Variants in TSNARE1 observed in about 807,000 individuals in gnomAD.
TSNARE1 encodes the protein t-SNARE domain-containing protein 1.
TSNARE1 carries 49 observed loss-of-function variants against 62.0 expected under a neutral mutation model. That is an observed-to-expected ratio of 0.79 (90% CI 0.63 to 1.00). The LOEUF (loss-of-function observed/expected upper bound fraction) is 1.00, where lower values mean the gene tolerates loss of function less well. TSNARE1 is among the 50% of genes least tolerant of loss of function. TSNARE1 has a pLI of 0.00. For missense variants in TSNARE1, 755 were observed against 700.1 expected, an observed-to-expected ratio of 1.08 and a Z score of -0.88; for synonymous variants, 328 against 294.4, an observed-to-expected ratio of 1.11 and a Z score of -1.17.
At chr8:142,331,309 C>G (rs2132021503) in intron 5 of TSNARE1, among the ~76,000 whole-genome samples, 1 of 152,374 alleles carries the variant, frequency 6.6e-6, no homozygotes, top group East Asian at 1.9e-4. Context: ...TGCCCCTCCC[C>G]TGGCCGTGGC....
chr8:142,224,170 C>T (rs942995965), intron 13 of TSNARE1, among the ~76,000 whole-genome samples: 1 of 152,192 alleles, frequency 6.6e-6, no homozygotes, highest in African/African-American at 2.4e-5. Context: ...CCTGGAGAGG[C>T]TTCTGGAAAC....
intron 12 of TSNARE1, among the ~76,000 whole-genome samples, chr8:142,251,076 G>A (rs1414596159): frequency 6.6e-6 from 1 of 152,204 alleles, no homozygotes; most frequent in Non-Finnish European, 1.5e-5. Flanking sequence ...GGTTTGCTGG[G>A]GATCATGTGC....
chr8:142,324,124 A>G lies in TSNARE1; in HGVS notation c.894-5490T>C, dbSNP rs374616574. On this transcript the variant is annotated intron_variant, in intron 6 of 13. Coordinates refer to ENST00000524325, the MANE Select transcript of TSNARE1 (RefSeq NM_145003.5). ...TGCAATGCCCGGAACCATAAGACCCATTTGTCACCTCAAGAGAAGCTGGCC... is the reference window on the plus strand; with the variant it reads ...TGCAATGCCCGGAACCATAAGACCCGTTTGTCACCTCAAGAGAAGCTGGCC... Among the ~76,000 whole-genome samples the G allele has an allele frequency of 6.6e-5, 10 of 152,214 alleles. No individual in the cohort carries two copies. In the East Asian group the frequency reaches 1.3e-3, roughly 21 times the overall value.
intron 1 of TSNARE1, among the ~76,000 whole-genome samples, chr8:142,372,496 G>A (rs1392527405): frequency 6.6e-6 from 1 of 152,180 alleles, no homozygotes; most frequent in Non-Finnish European, 1.5e-5. Context: ...AGGATGAGAA[G>A]AGAAACTGGG....
chr8:142,247,258 G>A (rs1817924595), intron 12 of TSNARE1, among the ~76,000 whole-genome samples: 1 of 152,198 alleles, frequency 6.6e-6, no homozygotes, highest in Admixed American at 6.5e-5. Context: ...GCCCAGCAAA[G>A]CTCTGGGGGC....
At chr8:142,273,590 G>C in intron 12 of TSNARE1, 14 of 985,390 alleles carry the variant, frequency 1.4e-5, no homozygotes, top group Non-Finnish European at 1.7e-5. Flanking sequence ...TTCACCAGCT[G>C]TCAACAGGGA....
chr8:142,369,624 A>G (rs909024884), intron 1 of TSNARE1, among the ~76,000 whole-genome samples: 6 of 152,202 alleles, frequency 3.9e-5, no homozygotes, highest in African/African-American at 1.4e-4. Flanking sequence ...GGGGAAGCTC[A>G]GCAGAGAAAT....
chr8:142,315,039 G>C lies in TSNARE1; in HGVS notation c.1038C>G (p.Leu346=), dbSNP rs1489348375. ...RPQLDRLKTQ[L]SDAIQCYGVV... ...CTCCATAGCACTGAATGGCATCTGA[G>C]AGCTGGGTTTTCAGCCGGTCCAGCT... Residue 346 remains leucine, a synonymous_variant, in exon 8 of 14, where the codon CTC becomes CTG. Transcript: ENST00000524325. The C allele has an allele frequency of 1.9e-6, 3 of 1,614,032 alleles. No individual in the cohort carries two copies. Among genetic ancestry groups the C allele is most frequent in the South Asian group, 1.1e-5 (1 of 91,082 alleles).
intron 1 of TSNARE1, among the ~76,000 whole-genome samples, chr8:142,373,384 G>A (rs1554675707): frequency 6.6e-6 from 1 of 152,118 alleles, no homozygotes; most frequent in Non-Finnish European, 1.5e-5. Flanking sequence ...GAGAGAGGAG[G>A]CTGGGAAAAC....
At chr8:142,269,822 G>A (rs1819366834) in intron 12 of TSNARE1, 11 of 985,452 alleles carry the variant, frequency 1.1e-5, no homozygotes, top group Non-Finnish European at 1.3e-5. Context: ...AGCCTGGAGG[G>A]AGGCCAGGCG....
Position 142,359,737 on chromosome 8 carries a change from CT to C in TSNARE1, c.-39-4975del, listed in dbSNP as rs543311124. On this transcript the variant is annotated intron_variant, in intron 1 of 13. Transcript: ENST00000524325. ...GTGAGCAATGCTGATCCTCACGACA[CT>C]TGTGAGGCAGGACTTATAACCCCAT... Among the ~76,000 whole-genome samples, 914 of 152,328 alleles carry C rather than the reference CT, an allele frequency of 6.0e-3. 9 individuals are homozygous for C. Among genetic ancestry groups the C allele is most frequent in the African/African-American group, 0.021 (857 of 41,568 alleles).
At chr8:142,298,503 G>T (rs936528198) in intron 10 of TSNARE1, among the ~76,000 whole-genome samples, 2 of 152,124 alleles carry the variant, frequency 1.3e-5, no homozygotes, top group Admixed American at 1.3e-4. Flanking sequence ...GTGCCACGCC[G>T]GAACCCCGAG....
chr8:142,238,743 GCCCCTGCACGCCCA>G (rs1465891247), intron 12 of TSNARE1, among the ~76,000 whole-genome samples: 231 of 16,516 alleles, frequency 0.014, 2 homozygotes, highest in African/African-American at 0.069. Flanking sequence ...CTGCACGCCC[GCCCCTGCACGCCCA>G]CCCCTGCACG....
intron 13 of TSNARE1, among the ~76,000 whole-genome samples, chr8:142,223,129 T>TCCAC (rs1554624347): frequency 6.3e-5 from 4 of 63,534 alleles, no homozygotes; most frequent in Admixed American, 1.6e-4. Context: ...CATTCACTCA[T>TCCAC]TCACTCATTC....
chr8:142,325,499 G>A (rs966743464), intron 6 of TSNARE1, among the ~76,000 whole-genome samples: 5 of 152,244 alleles, frequency 3.3e-5, no homozygotes, highest in Non-Finnish European at 7.3e-5. Context: ...GAGGTGGAGA[G>A]GAGGTGAGAA....
chr8:142,297,493 G>A (rs1824965156), intron 10 of TSNARE1, among the ~76,000 whole-genome samples: 1 of 152,190 alleles, frequency 6.6e-6, no homozygotes, highest in Admixed American at 6.5e-5. Context: ...CTGCCCTAGG[G>A]GACTTCTGAA....
At chr8:142,225,513 CG>C (rs1420722552) in intron 13 of TSNARE1, among the ~76,000 whole-genome samples, 1 of 151,906 alleles carries the variant, frequency 6.6e-6, no homozygotes, top group Non-Finnish European at 1.5e-5. Context: ...GCTGGGAGGT[CG>C]GGCACTCCTG....
At chr8:142,290,166 C>T (rs1025538050) in intron 10 of TSNARE1, among the ~76,000 whole-genome samples, 1 of 152,122 alleles carries the variant, frequency 6.6e-6, no homozygotes, top group East Asian at 1.9e-4. Context: ...GCAGAAGCCC[C>T]GTCCTCAGTC....
At chr8:142,281,271 C>T (rs751358157) in intron 11 of TSNARE1, among the ~76,000 whole-genome samples, 10 of 152,134 alleles carry the variant, frequency 6.6e-5, no homozygotes, top group Non-Finnish European at 1.3e-4. Context: ...GGAAAAGAGA[C>T]ACCCAGCCAG....
Sources: gnomAD v4.1 joint callset for allele counts (sites outside exome capture counted in the v4.1 genomes callset) on GRCh38, gnomAD v4.1.1 for gene constraint, MANE v1.5 for transcripts, NCBI Gene and HGNC (gene_info 2026-07-23, HGNC 2026-07-21) for gene names.